WDR7: variants seen among roughly 807,000 people sequenced by gnomAD.
WDR7 encodes the protein WD repeat-containing protein 7.
Under a neutral mutation model 169.4 loss-of-function variants are expected in WDR7, and 46 were observed. The ratio of observed to expected loss-of-function variants is 0.27; its 90% CI spans 0.21 to 0.35. The LOEUF (loss-of-function observed/expected upper bound fraction) is 0.35, where lower values mean the gene tolerates loss of function less well. WDR7 is among the 10% of genes least tolerant of loss of function. The probability of loss-of-function intolerance (pLI) is 1.00; values close to 1 mark genes in which losing one functional copy is unlikely to be tolerated. For synonymous variants in WDR7, 612 were observed against 666.8 expected (o/e 0.92, Z 1.27); for missense variants, 1,534 against 1,859.3 (o/e 0.83, Z 3.22).
chr18:56,885,430 A>G (rs772587215), intron 21 of WDR7, among the ~76,000 whole-genome samples: 1 of 152,130 alleles, frequency 6.6e-6, no homozygotes, highest in Non-Finnish European at 1.5e-5. Flanking sequence ...AACAGATAGC[A>G]CAAATAAACA....
intron 12 of WDR7, among the ~76,000 whole-genome samples, chr18:56,700,958 C>T (rs1442767416): frequency 6.6e-6 from 1 of 152,038 alleles, no homozygotes; most frequent in Non-Finnish European, 1.5e-5. Flanking sequence ...TTACCTGATA[C>T]GGATTATTTT....
chr18:56,811,647 C>T (rs1490543475), intron 19 of WDR7, among the ~76,000 whole-genome samples: 1 of 152,004 alleles, frequency 6.6e-6, no homozygotes, highest in African/African-American at 2.4e-5. Context: ...CTTTGAGTTA[C>T]TATTTATATA....
intron 12 of WDR7, among the ~76,000 whole-genome samples, chr18:56,702,113 G>A (rs1233993328): frequency 6.6e-6 from 1 of 152,102 alleles, no homozygotes; most frequent in Non-Finnish European, 1.5e-5. Flanking sequence ...CTGGTGAAAG[G>A]GAAGGCAGAT....
chr18:57,006,103 A>G (rs2048054627), intron 26 of WDR7, among the ~76,000 whole-genome samples: 2 of 152,330 alleles, frequency 1.3e-5, no homozygotes, highest in Non-Finnish European at 2.9e-5. Context: ...TTTTCTTTAA[A>G]GTGAATAAAA....
At chr18:56,955,947 T>C (rs1396202094) in intron 25 of WDR7, among the ~76,000 whole-genome samples, 1 of 152,176 alleles carries the variant, frequency 6.6e-6, no homozygotes, top group Non-Finnish European at 1.5e-5. Context: ...TAGATGTGCA[T>C]GCTATTTTTC....
chr18:56,653,748 T>G (rs2024706734), intron 1 of WDR7, among the ~76,000 whole-genome samples: 1 of 152,226 alleles, frequency 6.6e-6, no homozygotes, highest in Non-Finnish European at 1.5e-5. Flanking sequence ...TATTTCAGAA[T>G]GTACATCTAC....
chr18:56,918,159 T>G (rs750013676), intron 21 of WDR7, among the ~76,000 whole-genome samples: 8 of 152,182 alleles, frequency 5.3e-5, no homozygotes, highest in Non-Finnish European at 1.2e-4. Context: ...CACACTAAAT[T>G]CTCACTATAA....
chr18:56,834,460 T>G (rs919712574), intron 20 of WDR7, among the ~76,000 whole-genome samples: 9 of 152,128 alleles, frequency 5.9e-5, no homozygotes, highest in Admixed American at 4.6e-4. Flanking sequence ...CCTTCCATAT[T>G]TTGCTTGTTT....
intron 25 of WDR7, among the ~76,000 whole-genome samples, chr18:56,955,452 G>A (rs2047237736): frequency 6.6e-6 from 1 of 152,076 alleles, no homozygotes; most frequent in Non-Finnish European, 1.5e-5. Flanking sequence ...TTAGATGGAA[G>A]CTATAAAATA....
chr18:56,988,203 A>G (rs1385278068), intron 26 of WDR7, among the ~76,000 whole-genome samples: 2 of 152,214 alleles, frequency 1.3e-5, no homozygotes, highest in African/African-American at 2.4e-5. Flanking sequence ...AAGGCTTGAC[A>G]GGGAGTATGG....
rs1055009600 is a variant in WDR7 at position 56,693,566 on chromosome 18, T to G, written c.967-1053T>G. Among the ~76,000 whole-genome samples, 280 of 52,554 alleles carry G rather than the reference T, an allele frequency of 5.3e-3. 3 individuals carry two copies. In the East Asian group the frequency reaches 0.13, roughly 24 times the overall value. 34.5% of individuals were successfully genotyped at this position (52,554 alleles called of 152,430 possible). A position where few individuals can be genotyped will look rare whatever the true frequency, so the allele number is the denominator to read the frequency against. ...TTGATAGTTCAATTTTGTTGGTTTT[T>G]TTTTTTGTTTTTTTTTTTTTTTTGA... On this transcript the variant is annotated intron_variant, in intron 9 of 27. Transcript: ENST00000254442.
At chr18:57,023,561 A>C (rs1018762842) in intron 27 of WDR7, among the ~76,000 whole-genome samples, 1 of 152,244 alleles carries the variant, frequency 6.6e-6, no homozygotes, top group Admixed American at 6.5e-5. Context: ...ATCTTCAAAG[A>C]ACCAGTTTTG....
chr18:56,779,120 A>G (rs2044281670), intron 17 of WDR7, among the ~76,000 whole-genome samples: 1 of 152,168 alleles, frequency 6.6e-6, no homozygotes, highest in African/African-American at 2.4e-5. Context: ...ATTCTTTAAT[A>G]TATATTTTAT....
chr18:56,693,403 G>A (rs2144628319), intron 9 of WDR7, among the ~76,000 whole-genome samples: 1 of 152,142 alleles, frequency 6.6e-6, no homozygotes, highest in African/African-American at 2.4e-5. Flanking sequence ...CCTAATGAAT[G>A]GTTTTTGTTC....
At chr18:56,880,259 A>C in intron 21 of WDR7, 94 bp downstream of exon 21, 1 of 1,248,878 alleles carries the variant, frequency 8.0e-7, no homozygotes, top group East Asian at 2.5e-5. Context: ...CCTGAGTTTT[A>C]GCTCATTTAG....
chr18:56,716,637 T>G (rs1328435772), intron 12 of WDR7, among the ~76,000 whole-genome samples: 1 of 152,208 alleles, frequency 6.6e-6, no homozygotes, highest in African/African-American at 2.4e-5. Context: ...CAGATACTTA[T>G]GCCCAAGATC....
At chr18:56,700,252 CT>C (rs1226348026) in intron 12 of WDR7, among the ~76,000 whole-genome samples, 97 of 67,244 alleles carry the variant, frequency 1.4e-3, no homozygotes, top group African/African-American at 5.5e-3. Flanking sequence ...TTTTCATTTT[CT>C]TTTTTTTTTT....
chr18:56,760,481 T>C (rs1369010151), intron 16 of WDR7, among the ~76,000 whole-genome samples: 1 of 152,222 alleles, frequency 6.6e-6, no homozygotes, highest in Non-Finnish European at 1.5e-5. Flanking sequence ...TTTGTGACAT[T>C]TATCAGTGTT....
chr18:56,913,789 T>A (rs2046585519), intron 21 of WDR7, among the ~76,000 whole-genome samples: 1 of 144,434 alleles, frequency 6.9e-6, no homozygotes, highest in Admixed American at 7.2e-5. Context: ...AGTGAGACCC[T>A]GTTTCAAAAA....
Sources: allele counts gnomAD v4.1 joint callset (sites outside exome capture counted in the v4.1 genomes callset), GRCh38; gene constraint gnomAD v4.1.1; transcripts MANE v1.5; gene names NCBI Gene and HGNC (gene_info 2026-07-23, HGNC 2026-07-21).